Variants in CDH12 observed in about 807,000 individuals in gnomAD.
CDH12 encodes the protein cadherin 12.
A neutral mutation model predicts 74.1 loss-of-function variants in CDH12; 41 were observed. That is an observed-to-expected ratio of 0.55 (90% confidence interval 0.43 to 0.72). CDH12 has a LOEUF of 0.72. CDH12 is among the 30% of genes least tolerant of loss of function. The pLI, the probability that CDH12 is intolerant of heterozygous loss-of-function variation, is 0.00. For synonymous variants in CDH12, 399 were observed against 355.0 expected (o/e 1.12, Z -1.39); for missense variants, 945 against 977.2 (o/e 0.97, Z 0.44).
chr5:22,334,363 G>GA (rs1193998295), intron 3 of CDH12, among the ~76,000 whole-genome samples: 336 of 145,624 alleles, frequency 2.3e-3, no homozygotes, highest in African/African-American at 5.9e-3. Context: ...GAAGAGAATA[G>GA]AAAAAAAAAA....
chr5:22,695,511 T>TGGG (rs1742313141), intron 1 of CDH12, among the ~76,000 whole-genome samples: 1 of 152,116 alleles, frequency 6.6e-6, no homozygotes, highest in Non-Finnish European at 1.5e-5. Context: ...AAACAAGCAA[T>TGGG]GGGGAAAGGA....
chr5:22,759,372 G>A (rs1456356319), intron 1 of CDH12, among the ~76,000 whole-genome samples: 4 of 152,046 alleles, frequency 2.6e-5, no homozygotes, highest in East Asian at 1.9e-4. Flanking sequence ...AATTTTAGGA[G>A]GTTTTTTTCC....
intron 6 of CDH12, among the ~76,000 whole-genome samples, chr5:21,945,068 CAAAA>C (rs1361699790): frequency 1.3e-5 from 2 of 151,840 alleles, no homozygotes; most frequent in African/African-American, 4.8e-5. Context: ...ACTTATAAAA[CAAAA>C]GAACTAGGAA....
chr5:22,551,130 C>T lies in CDH12; in HGVS notation c.-522-45766G>A, dbSNP rs542292240. Among the ~76,000 whole-genome samples the T allele has an allele frequency of 4.6e-5, 7 of 152,138 alleles. No homozygotes were observed. In the East Asian group the frequency reaches 5.8e-4, roughly 13 times the overall value. On this transcript the variant is annotated intron_variant, in intron 1 of 14. Coordinates refer to ENST00000382254, the MANE Select transcript of CDH12 (RefSeq NM_004061.5). ...TTAGAATTAAATGAGATCATAAGGG[C>T]GGGACCTAATCCAATAGGACTGGTG... is the stretch of plus-strand genomic sequence containing the variant.
At chr5:22,305,425 C>T (rs949551297) in intron 3 of CDH12, among the ~76,000 whole-genome samples, 1 of 152,126 alleles carries the variant, frequency 6.6e-6, no homozygotes, top group Non-Finnish European at 1.5e-5. Context: ...AAAGAAACTA[C>T]TCTCATCTGT....
intron 11 of CDH12, chr5:21,774,484 A>C (rs975146435): frequency 2.0e-5 from 3 of 152,084 alleles, no homozygotes; most frequent in African/African-American, 7.2e-5. Context: ...CAGATGGTCT[A>C]TTGTGGGACC....
chr5:22,474,938 T>C (rs1443623148), intron 2 of CDH12, among the ~76,000 whole-genome samples: 1 of 151,964 alleles, frequency 6.6e-6, no homozygotes, highest in African/African-American at 2.4e-5. Flanking sequence ...TCTATTCTCC[T>C]ATTTTTGACA....
intron 3 of CDH12, among the ~76,000 whole-genome samples, chr5:22,367,916 A>G (rs530801120): frequency 6.6e-6 from 1 of 152,266 alleles, no homozygotes; most frequent in Admixed American, 6.5e-5. Flanking sequence ...ACAAATTAAC[A>G]CATTTTTTTC....
At chr5:21,867,400 C>T (rs1751387304) in intron 6 of CDH12, among the ~76,000 whole-genome samples, 1 of 152,038 alleles carries the variant, frequency 6.6e-6, no homozygotes, top group Non-Finnish European at 1.5e-5. Context: ...GAACCTCTGC[C>T]TAGATTTCAG....
chr5:22,651,926 C>T (rs958723589), intron 1 of CDH12, among the ~76,000 whole-genome samples: 1 of 151,836 alleles, frequency 6.6e-6, no homozygotes, highest in Admixed American at 6.6e-5. Context: ...CACAGGAAAA[C>T]CCCCCTCGGA....
intron 1 of CDH12, among the ~76,000 whole-genome samples, chr5:22,618,935 C>A (rs996695880): frequency 2.0e-5 from 3 of 151,968 alleles, no homozygotes; most frequent in Non-Finnish European, 4.4e-5. Flanking sequence ...TGTCAGACGT[C>A]CCTTTGCTTT....
chr5:21,915,943 G>T (rs1754072518), intron 6 of CDH12, among the ~76,000 whole-genome samples: 1 of 70,836 alleles, frequency 1.4e-5, no homozygotes, highest in Non-Finnish European at 4.3e-5. Flanking sequence ...TAGAAAACAA[G>T]GCCTTCATAC....
chr5:21,941,138 A>G (rs1755311826), intron 6 of CDH12, among the ~76,000 whole-genome samples: 1 of 152,118 alleles, frequency 6.6e-6, no homozygotes, highest in Non-Finnish European at 1.5e-5. Flanking sequence ...TATTTTAGCT[A>G]CTAGAAGCAG....
chr5:22,813,945 C>T (rs1000158588), intron 1 of CDH12, among the ~76,000 whole-genome samples: 28 of 152,106 alleles, frequency 1.8e-4, no homozygotes, highest in African/African-American at 6.8e-4. Flanking sequence ...GAGGCAATAA[C>T]TTTGTATTTT....
At position 22,396,952 on chromosome 5, in the gene CDH12, T is replaced by C. The variant is rs182622059; in HGVS notation, c.-333+8305A>G. Among the ~76,000 whole-genome samples the C allele has an allele frequency of 4.6e-5, 7 of 152,250 alleles. No individual in the cohort carries two copies. The East Asian group carries it at 1.4e-3, about 29-fold the overall frequency. ...ATCTGCCATTTACTCTGGATCAATA[T>C]AGCATTAAAATACTCATTGCTTTTC... On this transcript the variant is annotated intron_variant, in intron 3 of 14. Coordinates refer to ENST00000382254, the MANE Select transcript of CDH12 (RefSeq NM_004061.5).
intron 4 of CDH12, among the ~76,000 whole-genome samples, chr5:22,140,609 T>A: frequency 6.6e-6 from 1 of 152,196 alleles, no homozygotes; most frequent in East Asian, 1.9e-4. Context: ...CACATTTCTT[T>A]ATTGCTGTTA....
chr5:22,430,855 C>A (rs1744141488), intron 2 of CDH12, among the ~76,000 whole-genome samples: 2 of 151,912 alleles, frequency 1.3e-5, no homozygotes, highest in African/African-American at 4.8e-5. Context: ...TAGCTCATTT[C>A]CAATCTCTTG....
intron 2 of CDH12, among the ~76,000 whole-genome samples, chr5:22,427,383 G>A (rs1743985695): frequency 6.6e-6 from 1 of 152,176 alleles, no homozygotes; most frequent in South Asian, 2.1e-4. Flanking sequence ...GGCCAGGCTG[G>A]TCTTGATCTC....
At chr5:22,173,504 T>C (rs1401151871) in intron 4 of CDH12, among the ~76,000 whole-genome samples, 1 of 150,800 alleles carries the variant, frequency 6.6e-6, no homozygotes, top group Non-Finnish European at 1.5e-5. Flanking sequence ...CTAACCCTTA[T>C]ATAGGATTAG....
Sources: gnomAD v4.1 joint callset for allele counts (sites outside exome capture counted in the v4.1 genomes callset) on GRCh38, gnomAD v4.1.1 for gene constraint, MANE v1.5 for transcripts, NCBI Gene and HGNC (gene_info 2026-07-23, HGNC 2026-07-21) for gene names.